The following TRPC7 variants were observed in gnomAD, a reference collection of about 807,000 sequenced individuals.
TRPC7 encodes the protein short transient receptor potential channel 7.
Under a neutral mutation model 90.1 loss-of-function variants are expected in TRPC7, and 42 were observed. That is an observed-to-expected ratio of 0.47 (90% CI 0.36 to 0.60). The LOEUF (loss-of-function observed/expected upper bound fraction) is 0.60. Among genes scored for constraint, TRPC7 ranks in the 20% least tolerant of loss-of-function variants. The probability of loss-of-function intolerance (pLI) is 0.00; values close to 1 mark genes in which losing one functional copy is unlikely to be tolerated. For synonymous variants in TRPC7, 451 were observed against 436.3 expected (o/e 1.03, Z -0.42); for missense variants, 955 against 1,112.3 (o/e 0.86, Z 2.01).
chr5:136,338,122 T>C (rs945763975), intron 2 of TRPC7, among the ~76,000 whole-genome samples: 3 of 152,004 alleles, frequency 2.0e-5, no homozygotes, highest in Non-Finnish European at 4.4e-5. Flanking sequence ...CATTTACCAA[T>C]CAGTAATTAG....
At chr5:136,326,678 GT>G (rs1221515380) in intron 2 of TRPC7, among the ~76,000 whole-genome samples, 2 of 151,990 alleles carry the variant, frequency 1.3e-5, no homozygotes, top group African/African-American at 2.4e-5. Context: ...TAATGTGGTT[GT>G]TTTTTTTCCT....
At chr5:136,269,304 T>C (rs1403914309) in intron 4 of TRPC7, among the ~76,000 whole-genome samples, 1 of 152,154 alleles carries the variant, frequency 6.6e-6, no homozygotes, top group African/African-American at 2.4e-5. Flanking sequence ...CTCTGAGAAA[T>C]ATATGAATGT....
At chr5:136,310,046 T>A (rs1179947475) in intron 3 of TRPC7, among the ~76,000 whole-genome samples, 1 of 152,124 alleles carries the variant, frequency 6.6e-6, no homozygotes, top group Non-Finnish European at 1.5e-5. Context: ...TCTACCAGGC[T>A]CACATGGTCT....
In TRPC7 at chr5:136,281,511, C is replaced by A. The variant is rs148572225; in HGVS notation, c.964-6674G>T. ...ACTGATATCTTACTAGGAAGAGCAG[C>A]AGTTCCCTGAGCCTGAGTTCTGACT... On this transcript the variant is annotated intron_variant, in intron 3 of 11. Transcript: ENST00000513104. Among the ~76,000 whole-genome samples, 208 of 152,304 alleles carry A rather than the reference C, an allele frequency of 1.4e-3. 1 individual carries two copies. Among genetic ancestry groups the A allele is most frequent in the African/African-American group, 4.7e-3 (194 of 41,578 alleles).
intron 7 of TRPC7, among the ~76,000 whole-genome samples, chr5:136,240,279 T>C (rs1475669931): frequency 6.6e-6 from 1 of 152,154 alleles, no homozygotes; most frequent in African/African-American, 2.4e-5. Context: ...TGCTTCCTCC[T>C]CCCTGTGCTA....
At chr5:136,231,141 G>A (rs959266246) in intron 8 of TRPC7, among the ~76,000 whole-genome samples, 6 of 152,180 alleles carry the variant, frequency 3.9e-5, no homozygotes, top group African/African-American at 9.7e-5. Context: ...TTCTGCTCTC[G>A]CTGGGCCTCA....
intron 10 of TRPC7, among the ~76,000 whole-genome samples, chr5:136,222,865 A>G (rs949160052): frequency 6.6e-6 from 1 of 152,194 alleles, no homozygotes; most frequent in East Asian, 1.9e-4. Context: ...CTCATCTGTT[A>G]CATGGGGTTG....
At chr5:136,337,714 A>C (rs958868727) in intron 2 of TRPC7, among the ~76,000 whole-genome samples, 4 of 152,128 alleles carry the variant, frequency 2.6e-5, no homozygotes, top group Admixed American at 6.5e-5. Context: ...TCAAATTTCC[A>C]ATGTGCTATG....
At chr5:136,304,815 C>T (rs1758548992) in intron 3 of TRPC7, among the ~76,000 whole-genome samples, 1 of 152,184 alleles carries the variant, frequency 6.6e-6, no homozygotes, top group Non-Finnish European at 1.5e-5. Flanking sequence ...ACCTCAATCC[C>T]TTACAAAACA....
At chr5:136,264,497 C>G (rs1259846008) in intron 5 of TRPC7, among the ~76,000 whole-genome samples, 1 of 151,994 alleles carries the variant, frequency 6.6e-6, no homozygotes, top group Non-Finnish European at 1.5e-5. Context: ...AAGTTAAGAC[C>G]ACAGAACTCT....
chr5:136,224,165 G>T (rs1393338001), intron 10 of TRPC7, among the ~76,000 whole-genome samples: 1 of 152,194 alleles, frequency 6.6e-6, no homozygotes, highest in African/African-American at 2.4e-5. Context: ...GAATGCTCAG[G>T]ACAGCTTAAA....
rs767652736 is a variant in TRPC7, at chr5:136,231,459, G to A, written c.1935C>T (p.Ile645=). ...SVVLKYDHKF[I]ENIGYVLYGV... Reference sequence around the variant, plus strand: ...CGTAGAGAACGTAGCCAATGTTCTCGATGAATTTGTGGTCGTATTTCAGCA... The same window carrying A: ...CGTAGAGAACGTAGCCAATGTTCTCAATGAATTTGTGGTCGTATTTCAGCA... Residue 645 remains isoleucine (I), a synonymous_variant, in exon 8 of 12, where the codon ATC becomes ATT. Coordinates refer to ENST00000513104, the MANE Select transcript of TRPC7 (RefSeq NM_020389.3). 1.4e-5 allele frequency: 22 copies of A among 1,612,614 alleles called. No homozygotes were observed. The highest frequency in any genetic ancestry group is 6.7e-5 in the Admixed American group (4 of 59,866).
At chr5:136,265,866 T>A (rs1423299421) in intron 5 of TRPC7, among the ~76,000 whole-genome samples, 1 of 152,234 alleles carries the variant, frequency 6.6e-6, no homozygotes, top group Non-Finnish European at 1.5e-5. Context: ...TGCCCTTTTT[T>A]AGAATCTGAA....
At chr5:136,332,896 T>C (rs1759543080) in intron 2 of TRPC7, among the ~76,000 whole-genome samples, 1 of 152,168 alleles carries the variant, frequency 6.6e-6, no homozygotes, top group African/African-American at 2.4e-5. Flanking sequence ...TGATAGCATA[T>C]GTGTTCTAAG....
At chr5:136,295,777 A>C (rs1279117869) in intron 3 of TRPC7, among the ~76,000 whole-genome samples, 1 of 152,240 alleles carries the variant, frequency 6.6e-6, no homozygotes, top group Non-Finnish European at 1.5e-5. Context: ...CCATAGAAGC[A>C]TGTAGGCTGA....
chr5:136,349,045 T>C (rs1760102238), intron 2 of TRPC7, among the ~76,000 whole-genome samples: 1 of 152,198 alleles, frequency 6.6e-6, no homozygotes, highest in Non-Finnish European at 1.5e-5. Flanking sequence ...TCTCAATTTT[T>C]TTATGTGTAG....
chr5:136,356,836 C>T lies in TRPC7; in HGVS notation c.552G>A (p.Leu184=), dbSNP rs747505700. The T allele has an allele frequency of 5.8e-5, 93 of 1,613,740 alleles. No individual in the cohort carries two copies. The highest frequency in any genetic ancestry group is 7.4e-5 in the Non-Finnish European group (87 of 1,179,906). The change falls in exon 2 of 12, where the codon CTG becomes CTA. Residue 184 remains leucine (L), a synonymous_variant. Coordinates refer to ENST00000513104, the MANE Select transcript of TRPC7 (RefSeq NM_020389.3). The part of the protein sequence containing the change: ...CQEYEIVHIL[L]LKGARIERPH... ...GCCGCTCGATGCGGGCGCCCTTGAG[C>T]AGCAGGATGTGCACGATCTCATACT... is the stretch of plus-strand genomic sequence containing the variant.
chr5:136,225,245 G>A (rs1039464489), intron 10 of TRPC7, 29 bp downstream of exon 10: 10 of 1,603,124 alleles, frequency 6.2e-6, no homozygotes, highest in Non-Finnish European at 8.5e-6. Context: ...TTCTGCCCAT[G>A]CTTGGATGCT....
At chr5:136,294,538 A>G (rs1758089699) in intron 3 of TRPC7, among the ~76,000 whole-genome samples, 1 of 152,138 alleles carries the variant, frequency 6.6e-6, no homozygotes, top group Admixed American at 6.5e-5. Flanking sequence ...CACATGAAAA[A>G]ATGCTCATCA....
Sources: gnomAD v4.1 joint callset for allele counts (sites outside exome capture counted in the v4.1 genomes callset) on GRCh38, gnomAD v4.1.1 for gene constraint, MANE v1.5 for transcripts, NCBI Gene and HGNC (gene_info 2026-07-23, HGNC 2026-07-21) for gene names.